Variants in DBF4 observed in about 807,000 individuals in gnomAD.
DBF4 encodes the protein DBF4-CDC7 kinase regulatory subunit.
Under a neutral mutation model 76.6 loss-of-function variants are expected in DBF4, and 25 were observed. The ratio of observed to expected loss-of-function variants is 0.33; its 90% CI spans 0.24 to 0.46. DBF4 has a LOEUF of 0.46. Among genes scored for constraint, DBF4 ranks in the 20% least tolerant of loss-of-function variants. The probability of loss-of-function intolerance (pLI) is 1.00; values close to 1 mark genes in which losing one functional copy is unlikely to be tolerated. For missense variants in DBF4, 638 were observed against 760.8 expected (o/e 0.84, Z 1.90); for synonymous variants, 213 against 258.0 (o/e 0.83, Z 1.67).
Position 87,900,992 on chromosome 7 carries a change from G to A in DBF4, c.924+114G>A, listed in dbSNP as rs558507728. ...TTTACATTTTAAGAACTCAAGGGAGGAAATGAGTATTGAAAATGAATTTTT... is the reference window on the plus strand; with the variant it reads ...TTTACATTTTAAGAACTCAAGGGAGAAAATGAGTATTGAAAATGAATTTTT... On this transcript the variant is annotated intron_variant, in intron 10 of 11. Transcript: ENST00000265728. 101 of 840,862 alleles carry A rather than the reference G, an allele frequency of 1.2e-4. 3 individuals carry two copies. In the South Asian group the frequency reaches 1.6e-3, roughly 13 times the overall value. The allele number at this position is 840,862 out of a possible 1,614,324, so 52.1% of individuals were successfully genotyped here. A position where few individuals can be genotyped will look rare whatever the true frequency, so the allele number is the denominator to read the frequency against.
intron 6 of DBF4, among the ~76,000 whole-genome samples, chr7:87,890,704 T>C (rs1288630932): frequency 6.6e-6 from 1 of 152,206 alleles, no homozygotes; most frequent in Non-Finnish European, 1.5e-5. Flanking sequence ...TAGTATTTAC[T>C]AGATTATTAA....
Position 87,908,223 on chromosome 7 carries a change from A to G in DBF4, c.*60A>G. The G allele has an allele frequency of 7.4e-7, 1 of 1,349,642 alleles. No individual in the cohort carries two copies. Among genetic ancestry groups the G allele is most frequent in the Non-Finnish European group, 9.7e-7 (1 of 1,036,162 alleles). 83.6% of individuals were successfully genotyped at this position (1,349,642 alleles called of 1,614,324 possible). A position where few individuals can be genotyped will look rare whatever the true frequency, so the allele number is the denominator to read the frequency against. ...GGATCATATTCTTGAAATTTTTATA[A>G]ATATGTATGGAAATTCTTAGGATTT... On this transcript the variant is annotated 3_prime_UTR_variant, in exon 12 of 12. Transcript: ENST00000265728.
intron 11 of DBF4, 130 bp from the exon 12 acceptor site, chr7:87,907,057 TG>T: frequency 3.0e-6 from 3 of 1,004,584 alleles, no homozygotes; most frequent in Non-Finnish European, 4.1e-6. Flanking sequence ...TTTGTATTTT[TG>T]TAAAATTTCC....
intron 2 of DBF4, 123 bp from the exon 3 acceptor site, chr7:87,884,856 G>T: frequency 1.5e-6 from 1 of 677,342 alleles, no homozygotes. Context: ...AGGATCACTT[G>T]AGAACAGGGG....
intron 10 of DBF4, among the ~76,000 whole-genome samples, chr7:87,903,760 T>TA (rs1839848522): frequency 7.0e-6 from 1 of 142,388 alleles, no homozygotes; most frequent in Non-Finnish European, 1.5e-5. Flanking sequence ...AGTGGTGCCA[T>TA]CTCTGCTCAC....
intron 5 of DBF4, among the ~76,000 whole-genome samples, 185 bp downstream of exon 5, chr7:87,887,583 TG>T (rs1168541249): frequency 4.6e-5 from 7 of 152,218 alleles, no homozygotes; most frequent in African/African-American, 1.4e-4. Flanking sequence ...CTTACAGTTA[TG>T]GAGACTAAGA....
At chr7:87,881,149 G>A (rs1352704028) in intron 2 of DBF4, among the ~76,000 whole-genome samples, 1 of 152,220 alleles carries the variant, frequency 6.6e-6, no homozygotes, top group African/African-American at 2.4e-5. Flanking sequence ...GCTCACGCAT[G>A]TAATCCTAGC....
chr7:87,893,888 C>T (rs1839559491), intron 6 of DBF4, among the ~76,000 whole-genome samples: 1 of 152,058 alleles, frequency 6.6e-6, no homozygotes, highest in African/African-American at 2.4e-5. Context: ...TCTGTTTCCC[C>T]CTTTCCTGCC....
intron 6 of DBF4, among the ~76,000 whole-genome samples, chr7:87,889,964 T>C (rs1401914994): frequency 6.6e-6 from 1 of 152,208 alleles, no homozygotes; most frequent in Non-Finnish European, 1.5e-5. Flanking sequence ...GCATATAAAT[T>C]GCCTCTACCA....
intron 2 of DBF4, among the ~76,000 whole-genome samples, chr7:87,880,362 A>T (rs1278292921): frequency 6.6e-6 from 1 of 152,222 alleles, no homozygotes; most frequent in East Asian, 1.9e-4. Context: ...AGTTAGGAGC[A>T]TATTAAGGGT....
chr7:87,886,173 A>G (rs906765957), intron 3 of DBF4, among the ~76,000 whole-genome samples: 1 of 152,150 alleles, frequency 6.6e-6, no homozygotes, highest in African/African-American at 2.4e-5. Flanking sequence ...GAGACAATAC[A>G]CCAGCGATTC....
chr7:87,879,412 T>C (rs538111527), intron 2 of DBF4, among the ~76,000 whole-genome samples: 1 of 152,324 alleles, frequency 6.6e-6, no homozygotes, highest in Non-Finnish European at 1.5e-5. Flanking sequence ...GTATTTATGG[T>C]AATGATCATA....
At chr7:87,887,880 C>T in intron 5 of DBF4, 103 bp from the exon 6 acceptor site, 2 of 1,136,882 alleles carry the variant, frequency 1.8e-6, no homozygotes, top group South Asian at 3.1e-5. Context: ...TAAGAGATAC[C>T]TATAATGGTA....
chr7:87,901,176 T>G lies in DBF4; in HGVS notation c.924+298T>G, dbSNP rs1478415533. 2.0e-5 allele frequency among the ~76,000 whole-genome samples: 3 copies of G among 151,620 alleles called. No individual in the cohort carries two copies. In the East Asian group the frequency reaches 5.8e-4, roughly 29 times the overall value. ...AGGTAACCACAGGATAAAAGAAGAA[T>G]AAAAATATAGAGAGAGAATATTAGA... On this transcript the variant is annotated intron_variant, in intron 10 of 11. Coordinates refer to ENST00000265728, the MANE Select transcript of DBF4 (RefSeq NM_006716.4).
chr7:87,904,787 A>G (rs937307218), intron 11 of DBF4, among the ~76,000 whole-genome samples: 1 of 152,270 alleles, frequency 6.6e-6, no homozygotes, highest in African/African-American at 2.4e-5. Context: ...TATTAAACTA[A>G]AAATAAACAC....
chr7:87,907,774 C>G lies in DBF4; in HGVS notation c.1636C>G (p.Gln546Glu), dbSNP rs750202385. Residue 546 changes from glutamine to glutamate, a missense_variant, in exon 12 of 12, where the codon CAG (glutamine) becomes GAG (glutamate). Transcript: ENST00000265728. ...INSSQEHLTV[Q>E]AKAPFHTPPE... ...CAGTTCACAAGAGCACCTAACTGTT[C>G]AGGCAAAGGCTCCATTCCATACTCC... 6.8e-6 allele frequency: 11 copies of G among 1,614,046 alleles called. No individual in the cohort carries two copies. The South Asian group carries it at 9.9e-5, about 15-fold the overall frequency.
intron 6 of DBF4, chr7:87,888,365 T>A: frequency 1.1e-6 from 1 of 919,842 alleles, no homozygotes; most frequent in Non-Finnish European, 1.3e-6. Context: ...TAAACGTTCC[T>A]AATGTAAGTA....
At chr7:87,897,875 TC>T (rs1839680005) in intron 8 of DBF4, among the ~76,000 whole-genome samples, 1 of 152,098 alleles carries the variant, frequency 6.6e-6, no homozygotes, top group Admixed American at 6.6e-5. Context: ...CACCCCCGGT[TC>T]AAGCAATTCT....
intron 6 of DBF4, among the ~76,000 whole-genome samples, chr7:87,889,037 G>A (rs1474476236): frequency 6.6e-6 from 1 of 152,162 alleles, no homozygotes; most frequent in Non-Finnish European, 1.5e-5. Context: ...GCATAATACA[G>A]CCTGATCTTT....
Sources: gnomAD v4.1 joint callset for allele counts (sites outside exome capture counted in the v4.1 genomes callset) on GRCh38, gnomAD v4.1.1 for gene constraint, MANE v1.5 for transcripts, NCBI Gene and HGNC (gene_info 2026-07-23, HGNC 2026-07-21) for gene names.